EPB41L1: variants seen among roughly 807,000 people sequenced by gnomAD.
The protein encoded by EPB41L1 is erythrocyte membrane protein band 4.1 like 1.
Under a neutral mutation model 97.8 loss-of-function variants are expected in EPB41L1, and 29 were observed. That is an observed-to-expected ratio of 0.30 (90% confidence interval 0.22 to 0.40). The LOEUF (loss-of-function observed/expected upper bound fraction) is 0.40. Ranked by LOEUF, EPB41L1 falls within the 10% of genes least tolerant of loss-of-function variation. The pLI, the probability that EPB41L1 is intolerant of heterozygous loss-of-function variation, is 1.00. For missense variants in EPB41L1, 812 were observed against 1,162.3 expected, an observed-to-expected ratio of 0.70 and a Z score of 4.38; for synonymous variants, 383 against 459.2, an observed-to-expected ratio of 0.83 and a Z score of 2.12.
chr20:36,091,746 G>C (rs1405153930), intron 1 of EPB41L1: 2 of 152,180 alleles, frequency 1.3e-5, no homozygotes, highest in Non-Finnish European at 2.9e-5. Context: ...ATTATTCCGG[G>C]CACTTCTGGA....
chr20:36,222,059 T>C (rs1601090396), intron 20 of EPB41L1, 115 bp downstream of exon 20: 1 of 1,208,846 alleles, frequency 8.3e-7, no homozygotes, highest in South Asian at 1.2e-5. Flanking sequence ...CACTTCTTGC[T>C]GACCCTGTTC....
intron 14 of EPB41L1, chr20:36,205,862 G>C: frequency 7.8e-7 from 1 of 1,288,964 alleles, no homozygotes; most frequent in East Asian, 5.6e-5. Context: ...TCAGAGCATT[G>C]GGTATTTATA....
chr20:36,155,073 C>A, intron 1 of EPB41L1, 177 bp downstream of exon 1: 1 of 605,926 alleles, frequency 1.7e-6, no homozygotes, highest in Non-Finnish European at 2.7e-6. Flanking sequence ...CGGTCTGCAG[C>A]CTCCTCCAAG....
chr20:36,131,899 A>C (rs2059224762), intron 2 of EPB41L1, among the ~76,000 whole-genome samples: 1 of 152,140 alleles, frequency 6.6e-6, no homozygotes, highest in Non-Finnish European at 1.5e-5. Flanking sequence ...GGATGGATCT[A>C]TAAGGTGGGG....
chr20:36,180,482 C>T (rs1441004244), intron 5 of EPB41L1, among the ~76,000 whole-genome samples: 3 of 152,182 alleles, frequency 2.0e-5, no homozygotes, highest in Admixed American at 2.0e-4. Flanking sequence ...AGTTCAATGA[C>T]ATATGTATGG....
rs768856870 is a variant in EPB41L1 at position 36,222,400 on chromosome 20, G to T, written c.2637+6G>T. The T allele has an allele frequency of 6.2e-7, 1 of 1,603,856 alleles. No individual in the cohort carries two copies. The highest frequency in any genetic ancestry group is 8.5e-7 in the Non-Finnish European group (1 of 1,171,098). ...AGAGGGACAAGAAGCCACAGGTAAGGCTCCTGAGGCCCAGCAACCATGAGA... is the reference window on the plus strand; with the variant it reads ...AGAGGGACAAGAAGCCACAGGTAAGTCTCCTGAGGCCCAGCAACCATGAGA... On this transcript the variant is annotated splice_donor_region_variant and intron_variant, in intron 21 of 21. Transcript: ENST00000338074.
Position 36,219,796 on chromosome 20 carries a change from C to T in EPB41L1, c.2391C>T (p.Gly797=), listed in dbSNP as rs1182898757. 31 of 1,614,096 alleles carry T rather than the reference C, an allele frequency of 1.9e-5. No homozygotes were observed. The highest frequency in any genetic ancestry group is 2.4e-5 in the Non-Finnish European group (28 of 1,180,032). The part of the protein sequence containing the change: ...IGKDVLTSTY[G]ATAETLSTST... ...AAGATGTCCTCACCAGCACCTACGG[C>T]GCCACTGCGGAAACCCTCTCAACCT... The change falls in exon 19 of 22, where the codon GGC becomes GGT. Residue 797 remains glycine (G), a synonymous_variant. Coordinates refer to ENST00000338074, the MANE Select transcript of EPB41L1 (RefSeq NM_012156.2).
Position 36,194,236 on chromosome 20 carries a change from T to A in EPB41L1, c.1325T>A (p.Val442Asp), listed in dbSNP as rs1242238241. The change falls in exon 12 of 22, where the codon GTC (valine) becomes GAC (aspartate). Residue 442 changes from valine to aspartate, a missense_variant. This residue lies in a region of EPB41L1 where 498 missense variants were observed against 622.7 expected (regional missense o/e 0.80). Coordinates refer to ENST00000338074, the MANE Select transcript of EPB41L1 (RefSeq NM_012156.2). ...GCAGAGTTCTCCCGCCCAGCCTCGG[T>A]CAGCGAGAACCATGATGCAGGGCCT... ...DGAEFSRPAS[V>D]SENHDAGPDG... is the part of the protein sequence containing the mutation. 17 of 1,613,928 alleles carry A rather than the reference T, an allele frequency of 1.1e-5. No homozygotes were observed. The highest frequency in any genetic ancestry group is 1.4e-5 in the Non-Finnish European group (17 of 1,180,044).
At chr20:36,170,641 C>G (rs2060949267) in intron 1 of EPB41L1, among the ~76,000 whole-genome samples, 1 of 152,070 alleles carries the variant, frequency 6.6e-6, no homozygotes. Context: ...TTGGGGTTTG[C>G]TTGAGGCAGC....
In EPB41L1 at chr20:36,232,318, G is replaced by A. The variant is rs1039361410; in HGVS notation, c.*2978G>A. On this transcript the variant is annotated 3_prime_UTR_variant, in exon 22 of 22. Transcript: ENST00000338074. ...GGAAAAAGTCCCTGAGGGCGGTTAG[G>A]AGTTCTGGGTGACCATCCTGGCTCA... is the stretch of plus-strand genomic sequence containing the variant. The A allele has an allele frequency of 3.2e-6, 1 of 314,252 alleles. No individual in the cohort carries two copies. Among genetic ancestry groups the A allele is most frequent in the Non-Finnish European group, 5.8e-6 (1 of 173,574 alleles). 19.5% of individuals were successfully genotyped at this position (314,252 alleles called of 1,614,324 possible).
At chr20:36,204,648 C>G (rs536472107) in intron 14 of EPB41L1, among the ~76,000 whole-genome samples, 1 of 151,174 alleles carries the variant, frequency 6.6e-6, no homozygotes, top group South Asian at 2.1e-4. Context: ...CCGCGCCTGG[C>G]CTTTCTTTTT....
chr20:36,205,022 T>G (rs1365946076), intron 14 of EPB41L1, among the ~76,000 whole-genome samples: 2 of 152,222 alleles, frequency 1.3e-5, no homozygotes, highest in African/African-American at 4.8e-5. Flanking sequence ...TCTTTTCTGC[T>G]CTTTCTATGG....
chr20:36,125,782 C>T (rs540184173), intron 2 of EPB41L1, among the ~76,000 whole-genome samples: 1 of 152,190 alleles, frequency 6.6e-6, no homozygotes, highest in South Asian at 2.1e-4. Flanking sequence ...TGATTTCTGG[C>T]AGTGGGAGGA....
chr20:36,092,404 G>C lies in EPB41L1; in HGVS notation c.-65+792G>C, dbSNP rs2057684553. 6.6e-6 allele frequency among the ~76,000 whole-genome samples: 1 copy of C among 152,098 alleles called. No homozygotes were observed. Among genetic ancestry groups the C allele is most frequent in the African/African-American group, 2.4e-5 (1 of 41,444 alleles). On this transcript the variant is annotated intron_variant, in intron 1 of 19. Coordinates refer to the EPB41L1 transcript ENST00000202028. This position sits in a 1 kb window ranked among gnomAD's most constrained non-coding sequence, Gnocchi z 7.0. Reference sequence around the variant, plus strand: ...GGGCCCACGTGGGGAAGCCGGCGGCGGGTCCCCAGCGCCGGGAGGGTTCGC... The same window carrying C: ...GGGCCCACGTGGGGAAGCCGGCGGCCGGTCCCCAGCGCCGGGAGGGTTCGC...
rs542644291 is a variant in EPB41L1, at chr20:36,195,487, C to T, written c.1485+123C>T. 1.5e-5 allele frequency: 17 copies of T among 1,162,770 alleles called. No homozygotes were observed. In the South Asian group the frequency reaches 1.8e-4, roughly 12 times the overall value. The allele number at this position is 1,162,770 out of a possible 1,614,324, so 72.0% of individuals were successfully genotyped here. The stretch of plus-strand genomic sequence containing the variant: ...CATCTCAGCTTCAACTTCATCTCTG[C>T]TCCCCAGCCATCCCCCTCTGCAGCC... On this transcript the variant is annotated intron_variant, in intron 13 of 21. Transcript: ENST00000338074. The surrounding 1 kb of genome is among the most constrained non-coding windows in gnomAD (Gnocchi z 4.6).
rs756786486 is a variant in EPB41L1 at position 36,206,391 on chromosome 20, G to T, written c.1669-3097G>T. 10 of 1,289,888 alleles carry T rather than the reference G, an allele frequency of 7.8e-6. No individual in the cohort carries two copies. The highest frequency in any genetic ancestry group is 4.6e-5 in the African/African-American group (3 of 65,894). 79.9% of individuals were successfully genotyped at this position (1,289,888 alleles called of 1,614,324 possible). On this transcript the variant is annotated intron_variant, in intron 14 of 21. Coordinates refer to ENST00000338074, the MANE Select transcript of EPB41L1 (RefSeq NM_012156.2). The surrounding 1 kb of genome is among the most constrained non-coding windows in gnomAD (Gnocchi z 5.5). ...CCTCCGACAAGGGAGGACTCCAGTC[G>T]TTTCTATTGGATCCAGCCCACGCAG... is the stretch of plus-strand genomic sequence containing the variant.
At chr20:36,204,365 T>C (rs1364087812) in intron 14 of EPB41L1, among the ~76,000 whole-genome samples, 1 of 152,076 alleles carries the variant, frequency 6.6e-6, no homozygotes, top group African/African-American at 2.4e-5. Context: ...CTTCCTGCTT[T>C]TCTAACCACC....
chr20:36,219,006 G>A (rs560782769), intron 18 of EPB41L1, 44 bp downstream of exon 18: 59 of 1,590,820 alleles, frequency 3.7e-5, no homozygotes, highest in South Asian at 7.8e-5. Flanking sequence ...TCCACACTGA[G>A]AATATGGGCA....
chr20:36,129,614 C>A (rs1247329509), intron 2 of EPB41L1, among the ~76,000 whole-genome samples: 1 of 152,162 alleles, frequency 6.6e-6, no homozygotes, highest in African/African-American at 2.4e-5. Context: ...GCACACCCCA[C>A]TTTCTGGCTT....
Sources: allele counts gnomAD v4.1 joint callset (sites outside exome capture counted in the v4.1 genomes callset), GRCh38; gene constraint gnomAD v4.1.1; regional missense constraint gnomAD v4.1.1; non-coding constraint Gnocchi (gnomAD v3.1); transcripts MANE v1.5; gene names NCBI Gene and HGNC (gene_info 2026-07-23, HGNC 2026-07-21).